Variants in RSRC1 observed in about 807,000 individuals in gnomAD.
The protein encoded by RSRC1 is serine/Arginine-related protein 53.
RSRC1 carries 39 observed loss-of-function variants against 49.1 expected under a neutral mutation model. The ratio of observed to expected loss-of-function variants is 0.79; its 90% CI spans 0.61 to 1.04. RSRC1 has a LOEUF of 1.04. Ranked by LOEUF, RSRC1 falls within the 50% of genes least tolerant of loss-of-function variation. The pLI, the probability that RSRC1 is intolerant of heterozygous loss-of-function variation, is 0.00. For missense variants in RSRC1, 388 were observed against 402.4 expected (o/e 0.96, Z 0.31); for synonymous variants, 143 against 130.8 (o/e 1.09, Z -0.63).
intron 4 of RSRC1, among the ~76,000 whole-genome samples, chr3:158,229,383 T>TATATACACATATACACAC (rs1559952747): frequency 2.1e-5 from 2 of 95,228 alleles, no homozygotes; most frequent in African/African-American, 6.7e-5. Flanking sequence ...TGTGTATGTA[T>TATATACACATATACACAC]GTGTATATAT....
chr3:158,430,302 C>T (rs995505813), intron 6 of RSRC1, among the ~76,000 whole-genome samples: 15 of 151,836 alleles, frequency 9.9e-5, no homozygotes, highest in African/African-American at 3.6e-4. Flanking sequence ...GATACAGTTT[C>T]CCCAGAGCTC....
intron 3 of RSRC1, among the ~76,000 whole-genome samples, chr3:158,133,824 A>G (rs1716190182): frequency 6.6e-6 from 1 of 152,262 alleles, no homozygotes; most frequent in South Asian, 2.1e-4. Context: ...ATACTTATGC[A>G]GAGATGTCAC....
At chr3:158,527,607 C>T (rs1712120594) in intron 7 of RSRC1, among the ~76,000 whole-genome samples, 1 of 151,800 alleles carries the variant, frequency 6.6e-6, no homozygotes, top group Admixed American at 6.6e-5. Context: ...TAAAAACACA[C>T]CTTTAGATAA....
At chr3:158,482,445 C>G (rs1738646783) in intron 7 of RSRC1, among the ~76,000 whole-genome samples, 1 of 152,008 alleles carries the variant, frequency 6.6e-6, no homozygotes, top group Non-Finnish European at 1.5e-5. Flanking sequence ...AAGAAGCAAT[C>G]AGTTCCCCTA....
intron 6 of RSRC1, among the ~76,000 whole-genome samples, chr3:158,356,197 A>C (rs1037077188): frequency 5.9e-5 from 9 of 152,188 alleles, no homozygotes; most frequent in Non-Finnish European, 7.4e-5. Context: ...ATTTTTTACT[A>C]TAAAGAGCTC....
At chr3:158,343,702 G>T (rs983844740) in intron 5 of RSRC1, among the ~76,000 whole-genome samples, 3 of 152,026 alleles carry the variant, frequency 2.0e-5, no homozygotes, top group Admixed American at 1.3e-4. Context: ...ATGAGATTAG[G>T]GGATATGATA....
chr3:158,155,009 TTTTTGTTTTG>T (rs1240351192), intron 3 of RSRC1, among the ~76,000 whole-genome samples: 1 of 152,114 alleles, frequency 6.6e-6, no homozygotes, highest in Non-Finnish European at 1.5e-5. Flanking sequence ...CTAATTCTGT[TTTTTGTTTTG>T]TTTTGTTTTG....
At chr3:158,350,472 G>C (rs67761009) in intron 5 of RSRC1, among the ~76,000 whole-genome samples, 79,383 of 151,866 alleles carry the variant, frequency 0.52, 21,142 homozygotes, top group African/African-American at 0.61. Context: ...CATGCCCAGC[G>C]TAGAACTGTA....
intron 6 of RSRC1, among the ~76,000 whole-genome samples, chr3:158,408,878 T>C (rs1578438813): frequency 6.6e-6 from 1 of 151,766 alleles, no homozygotes; most frequent in Non-Finnish European, 1.5e-5. Flanking sequence ...ACTAAAAATA[T>C]AAAAATTAGC....
chr3:158,501,808 GT>G, intron 7 of RSRC1, among the ~76,000 whole-genome samples: 1 of 152,230 alleles, frequency 6.6e-6, no homozygotes, highest in African/African-American at 2.4e-5. Flanking sequence ...CCATTCTGCG[GT>G]TCTGTATCTT....
In RSRC1 at chr3:158,354,000, T is replaced by C. The variant is rs1038971905; in HGVS notation, c.532-857T>C. 2.1e-5 allele frequency among the ~76,000 whole-genome samples: 3 copies of C among 140,094 alleles called. 1 individual carries two copies. The highest frequency in any genetic ancestry group is 8.0e-5 in the African/African-American group (3 of 37,734). 91.9% of individuals were successfully genotyped at this position (140,094 alleles called of 152,430 possible). On this transcript the variant is annotated intron_variant, in intron 5 of 9. Coordinates refer to ENST00000611884, the MANE Select transcript of RSRC1 (RefSeq NM_001271838.2). Reference sequence around the variant, plus strand: ...AATTAGTTTAGTTTCTTTTTCTTTTTTTTTTTTTTTTTTTTTGAGACGGAG... The same window carrying C: ...AATTAGTTTAGTTTCTTTTTCTTTTCTTTTTTTTTTTTTTTTGAGACGGAG...
chr3:158,357,945 C>T (rs1731248513), intron 6 of RSRC1, among the ~76,000 whole-genome samples: 1 of 152,166 alleles, frequency 6.6e-6, no homozygotes, highest in African/African-American at 2.4e-5. Context: ...TAGTTGTTTA[C>T]TCTAGCTCTG....
At chr3:158,436,588 C>T (rs2108365111) in intron 6 of RSRC1, among the ~76,000 whole-genome samples, 1 of 151,682 alleles carries the variant, frequency 6.6e-6, no homozygotes, top group Non-Finnish European at 1.5e-5. Context: ...ACATATTTCC[C>T]TAAATGAAAT....
chr3:158,245,283 A>T (rs1723827688), intron 4 of RSRC1, among the ~76,000 whole-genome samples: 1 of 152,040 alleles, frequency 6.6e-6, no homozygotes, highest in African/African-American at 2.4e-5. Flanking sequence ...TTATGTACTC[A>T]AGAGTCATTT....
At chr3:158,337,825 C>T (rs1362687378) in intron 5 of RSRC1, among the ~76,000 whole-genome samples, 1 of 152,156 alleles carries the variant, frequency 6.6e-6, no homozygotes, top group Non-Finnish European at 1.5e-5. Context: ...CCTCATGAAC[C>T]ACTTCTCTCC....
intron 3 of RSRC1, among the ~76,000 whole-genome samples, chr3:158,146,846 G>T (rs937412210): frequency 2.6e-5 from 4 of 152,020 alleles, no homozygotes; most frequent in African/African-American, 9.7e-5. Flanking sequence ...CTTCTTCCTG[G>T]TTTAGTCTTG....
chr3:158,170,656 T>A (rs1231710717), intron 3 of RSRC1, among the ~76,000 whole-genome samples: 1 of 152,170 alleles, frequency 6.6e-6, no homozygotes, highest in Non-Finnish European at 1.5e-5. Flanking sequence ...CTCAGAGTAG[T>A]CCCAGTTGTA....
At chr3:158,514,301 AT>A in intron 7 of RSRC1, among the ~76,000 whole-genome samples, 1 of 152,230 alleles carries the variant, frequency 6.6e-6, no homozygotes, top group East Asian at 1.9e-4. Context: ...TGTCCCAAAG[AT>A]TGTGGTATGT....
chr3:158,368,770 T>C (rs558205010), intron 6 of RSRC1, among the ~76,000 whole-genome samples: 12 of 152,214 alleles, frequency 7.9e-5, no homozygotes, highest in Non-Finnish European at 1.3e-4. Context: ...ATGAGTTGTT[T>C]AGAATTAATT....
Sources: gnomAD v4.1 joint callset for allele counts (sites outside exome capture counted in the v4.1 genomes callset) on GRCh38, gnomAD v4.1.1 for gene constraint, MANE v1.5 for transcripts, NCBI Gene and HGNC (gene_info 2026-07-23, HGNC 2026-07-21) for gene names.